The following SSUH2 variants were observed in gnomAD, a reference collection of about 807,000 sequenced individuals.
SSUH2 encodes protein SSUH2 homolog.
A neutral mutation model predicts 55.3 loss-of-function variants in SSUH2; 47 were observed. The observed-to-expected ratio is 0.85, with a 90% CI of 0.67 to 1.08. SSUH2 has a LOEUF of 1.08. Among genes scored for constraint, SSUH2 ranks in the 50% least tolerant of loss-of-function variants. The pLI is 0.00. For synonymous variants in SSUH2, 212 were observed against 191.5 expected, an observed-to-expected ratio of 1.11 and a Z score of -0.89; for missense variants, 535 against 490.7, an observed-to-expected ratio of 1.09 and a Z score of -0.85.
chr3:8,676,663 C>T (rs2019638), intron 3 of SSUH2, among the ~76,000 whole-genome samples: 1 of 151,016 alleles, frequency 6.6e-6, no homozygotes, highest in Non-Finnish European at 1.5e-5. Context: ...GGAGTAATAT[C>T]ATCCTCTCCC....
At chr3:8,665,585 G>T (rs1559521490) in intron 5 of SSUH2, among the ~76,000 whole-genome samples, 2 of 152,140 alleles carry the variant, frequency 1.3e-5, no homozygotes, top group African/African-American at 4.8e-5. Flanking sequence ...GTCATTGTAG[G>T]GAAAGACCAC....
At chr3:8,620,712 A>G (rs1182503051) in intron 11 of SSUH2, among the ~76,000 whole-genome samples, 1 of 152,190 alleles carries the variant, frequency 6.6e-6, no homozygotes, top group African/African-American at 2.4e-5. Flanking sequence ...AACTTCCAGA[A>G]GCATTAATTT....
intron 6 of SSUH2, among the ~76,000 whole-genome samples, chr3:8,663,017 C>T (rs571120624): frequency 3.9e-5 from 6 of 152,314 alleles, no homozygotes; most frequent in Admixed American, 2.6e-4. Context: ...AGGCATCTCC[C>T]GGATCAAATC....
At chr3:8,627,348 A>G (rs1264591436) in intron 8 of SSUH2, 10 of 217,568 alleles carry the variant, frequency 4.6e-5, no homozygotes, top group Non-Finnish European at 7.2e-5. Flanking sequence ...ATCCTCAGTG[A>G]GTTAAAAATC....
intron 7 of SSUH2, among the ~76,000 whole-genome samples, chr3:8,652,571 T>G (rs1323473548): frequency 6.6e-6 from 1 of 152,224 alleles, no homozygotes; most frequent in Non-Finnish European, 1.5e-5. Context: ...TCTGATTAAG[T>G]GTCTTGCTTC....
intron 11 of SSUH2, among the ~76,000 whole-genome samples, chr3:8,623,106 A>G (rs1696777797): frequency 1.3e-5 from 2 of 152,298 alleles, no homozygotes; most frequent in South Asian, 4.1e-4. Flanking sequence ...TGTGGCCATC[A>G]GGATACAGCG....
At chr3:8,636,022 G>A (rs940400045) in intron 1 of SSUH2, among the ~76,000 whole-genome samples, 165 bp from the exon 2 acceptor site, 2 of 152,200 alleles carry the variant, frequency 1.3e-5, no homozygotes, top group Non-Finnish European at 2.9e-5. Context: ...CAGGGCAGGT[G>A]GTAGTAGCAG....
At chr3:8,674,628 C>A (rs541082699) in intron 3 of SSUH2, among the ~76,000 whole-genome samples, 4 of 152,230 alleles carry the variant, frequency 2.6e-5, no homozygotes, top group African/African-American at 9.6e-5. Context: ...TGTAGGAGGA[C>A]ATCAAGTCAT....
At chr3:8,647,248 A>G (rs1701793880), upstream of SSUH2, among the ~76,000 whole-genome samples, 1 of 152,230 alleles carries the variant, frequency 6.6e-6, no homozygotes, top group East Asian at 1.9e-4. Context: ...GCAGAACAGA[A>G]TCTCAGGACA....
chr3:8,634,378 A>G, intron 3 of SSUH2: 3 of 1,291,062 alleles, frequency 2.3e-6, no homozygotes, highest in Non-Finnish European at 3.0e-6. Context: ...CCCTTCCCTG[A>G]GGCCATGCCA....
intron 5 of SSUH2, among the ~76,000 whole-genome samples, chr3:8,664,596 TG>T (rs1417108932): frequency 6.6e-6 from 1 of 152,224 alleles, no homozygotes; most frequent in African/African-American, 2.4e-5. Flanking sequence ...TCTCATTTCA[TG>T]GATGAGGAAA....
chr3:8,637,073 AT>A (rs1700040892), intron 1 of SSUH2, among the ~76,000 whole-genome samples: 1 of 152,204 alleles, frequency 6.6e-6, no homozygotes, highest in African/African-American at 2.4e-5. Flanking sequence ...CAAACATCAA[AT>A]TTTGAATATG....
In SSUH2 at chr3:8,627,737, G is replaced by C. The variant is rs746882683; in HGVS notation, c.635C>G (p.Ser212Cys). ...CCGAKRKAKQ[S>C]RRCQLCAGSG... is the part of the protein sequence containing the mutation. Reference sequence around the variant, plus strand: ...CCCCGCGCACAGCTGACATCTCCGGGACTGCTTGGCTTTGCGCTTGGCTCC... The same window carrying C: ...CCCCGCGCACAGCTGACATCTCCGGCACTGCTTGGCTTTGCGCTTGGCTCC... The change falls in exon 8 of 12, where the codon TCC becomes TGC. Residue 212 changes from serine (S) to cysteine (C), a missense_variant. Physicochemically the swap from Ser to Cys is moderately radical, Grantham distance 112 (BLOSUM62 -1). Transcript: ENST00000544814. The C allele has an allele frequency of 4.3e-6, 7 of 1,610,484 alleles. No individual in the cohort carries two copies. In the African/African-American group the frequency reaches 6.7e-5, roughly 15 times the overall value.
At position 8,678,477 on chromosome 3, in the gene SSUH2, C is replaced by T. The variant is rs1286447484; in HGVS notation, c.-900-1124G>A. ...CTCTATCCCCCCCTGGCTCTTAGGA[C>T]CCCCATTGCAAGGGGGTGAGGCACC... On this transcript the variant is annotated intron_variant, in intron 2 of 18. Transcript: ENST00000317371. Among the ~76,000 whole-genome samples, 95 of 148,428 alleles carry T rather than the reference C, an allele frequency of 6.4e-4. 1 individual carries two copies. Among genetic ancestry groups the T allele is most frequent in the Non-Finnish European group, 1.0e-3 (68 of 66,360 alleles).
chr3:8,679,551 G>A (rs1385005219), intron 2 of SSUH2, among the ~76,000 whole-genome samples: 6 of 150,250 alleles, frequency 4.0e-5, no homozygotes, highest in Non-Finnish European at 1.5e-5. Context: ...AGCGAGGCAG[G>A]AACTGAGAGC....
In SSUH2 at chr3:8,633,668, T is replaced by C. The variant is rs1559360832; in HGVS notation, c.337A>G (p.Arg113Gly). ...IQELKRQTLCRYRLETFSESR... is the reference protein window; with the variant it reads ...IQELKRQTLCGYRLETFSESR... ...CCCCACCGGCCCTGGCCTCTCACCC[T>C]GCAGAGGGTCTGCCGCTTCAGCTCC... The change falls in exon 4 of 12, where the codon AGG becomes GGG. Residue 113 changes from arginine (R) to glycine (G), a missense_variant and splice_region_variant. Arg to Gly is a moderately radical substitution (Grantham distance 125, BLOSUM62 -2). Transcript: ENST00000544814. 4 of 1,518,872 alleles carry C rather than the reference T, an allele frequency of 2.6e-6. No homozygotes were observed. In the East Asian group the frequency reaches 9.1e-5, roughly 35 times the overall value. 94.1% of individuals were successfully genotyped at this position (1,518,872 alleles called of 1,614,324 possible).
chr3:8,620,061 C>T, intron 11 of SSUH2, 47 bp from the exon 12 acceptor site: 1 of 1,602,282 alleles, frequency 6.2e-7, no homozygotes, highest in South Asian at 1.1e-5. Context: ...CTGTTCAAGT[C>T]ACTCACCTGC....
rs554466269 is a variant in SSUH2 at position 8,662,782 on chromosome 3, T to C, written c.-396+962A>G. ...AGATGTCATTTCCTACCTTATTGAC[T>C]CTGGTCTTCATCCCAAATCTGCACT... On this transcript the variant is annotated intron_variant, in intron 6 of 18. Coordinates refer to the SSUH2 transcript ENST00000317371. Among the ~76,000 whole-genome samples the C allele has an allele frequency of 1.1e-4, 16 of 152,314 alleles. No homozygotes were observed. In the South Asian group the frequency reaches 3.3e-3, roughly 32 times the overall value.
intron 6 of SSUH2, chr3:8,659,637 T>C: frequency 2.7e-6 from 1 of 366,488 alleles, no homozygotes; most frequent in South Asian, 2.2e-5. Flanking sequence ...CTTCTGTGTG[T>C]CTGCTCACAT....
Sources: gnomAD v4.1 joint callset for allele counts (sites outside exome capture counted in the v4.1 genomes callset) on GRCh38, gnomAD v4.1.1 for gene constraint, MANE v1.5 for transcripts, NCBI Gene and HGNC (gene_info 2026-07-23, HGNC 2026-07-21) for gene names.